The following RPSA2 variants were observed in gnomAD, a reference collection of about 807,000 sequenced individuals.
The protein encoded by RPSA2 is ribosomal protein SA 2.
the RPSA2 span, among the ~76,000 whole-genome samples, chr19:23,801,678 GTTAT>G: frequency 6.6e-6 from 1 of 152,114 alleles, no homozygotes; most frequent in African/African-American, 2.4e-5. Context: ...CCAATAATAA[GTTAT>G]TTATTTAAAC....
chr19:23,776,015 GA>G, the RPSA2 span, among the ~76,000 whole-genome samples: 1 of 152,152 alleles, frequency 6.6e-6, no homozygotes, highest in African/African-American at 2.4e-5. Flanking sequence ...CACACTGCTG[GA>G]CCCAGCGCCT....
At chr19:23,767,402 G>C in the RPSA2 span, among the ~76,000 whole-genome samples, 1 of 151,992 alleles carries the variant, frequency 6.6e-6, no homozygotes, top group African/African-American at 2.4e-5. Flanking sequence ...TTTATTTTTA[G>C]TAGACACATT....
At chr19:23,812,080 A>G in the RPSA2 span, among the ~76,000 whole-genome samples, 7 of 152,314 alleles carry the variant, frequency 4.6e-5, no homozygotes, top group African/African-American at 1.7e-4. Context: ...GTTAATGTAC[A>G]TTGATGTTGC....
At chr19:23,783,537 G>GC in the RPSA2 span, among the ~76,000 whole-genome samples, 1 of 44,908 alleles carries the variant, frequency 2.2e-5, no homozygotes, top group Non-Finnish European at 4.6e-5. Flanking sequence ...CTTGAGCACT[G>GC]CCAAAAAAAA....
chr19:23,790,852 A>G, the RPSA2 span: 3 of 525,638 alleles, frequency 5.7e-6, no homozygotes, highest in Admixed American at 3.1e-5. Flanking sequence ...GGTGGGACTC[A>G]GGCCTCCCCG....
At chr19:23,832,659 A>G in the RPSA2 span, 1 of 1,475,118 alleles carries the variant, frequency 6.8e-7, no homozygotes, top group Middle Eastern at 1.9e-4. Flanking sequence ...GTGGCAAAGC[A>G]TTTCTATGGT....
At chr19:23,782,698 C>A in the RPSA2 span, among the ~76,000 whole-genome samples, 5 of 152,202 alleles carry the variant, frequency 3.3e-5, no homozygotes, top group South Asian at 6.2e-4. Flanking sequence ...TGGGGTTTGT[C>A]CACAGTGGGA....
At chr19:23,801,724 C>T in the RPSA2 span, among the ~76,000 whole-genome samples, 3 of 152,152 alleles carry the variant, frequency 2.0e-5, no homozygotes, top group Non-Finnish European at 4.4e-5. Context: ...TAGTTTGTAT[C>T]ACCCCACTCT....
the RPSA2 span, among the ~76,000 whole-genome samples, chr19:23,849,551 G>A: frequency 5.5e-4 from 84 of 152,284 alleles, no homozygotes; most frequent in Non-Finnish European, 5.4e-4. Context: ...AGTTCTGGGT[G>A]TTCTGGGCAC....
chr19:23,769,948 G>T, the RPSA2 span, among the ~76,000 whole-genome samples: 2 of 152,016 alleles, frequency 1.3e-5, no homozygotes, highest in African/African-American at 4.8e-5. Context: ...CTCCTCTTCT[G>T]CCTGGGAACT....
At chr19:23,804,487 G>A in the RPSA2 span, among the ~76,000 whole-genome samples, 1 of 151,838 alleles carries the variant, frequency 6.6e-6, no homozygotes, top group African/African-American at 2.4e-5. Flanking sequence ...AGTAGAGATG[G>A]GGTTTCACCG....
the RPSA2 span, among the ~76,000 whole-genome samples, chr19:23,780,072 C>T: frequency 2.6e-5 from 4 of 152,098 alleles, no homozygotes; most frequent in African/African-American, 9.7e-5. Flanking sequence ...ATACCTCTTA[C>T]CGGTCAATAG....
chr19:23,758,805 T>C, the RPSA2 span: 1 of 1,613,054 alleles, frequency 6.2e-7, no homozygotes, highest in Non-Finnish European at 8.5e-7. Context: ...TACCTGCAGG[T>C]CAGAGGGCCA....
the RPSA2 span, chr19:23,832,924 T>A: frequency 1.3e-6 from 2 of 1,532,328 alleles, no homozygotes; most frequent in Non-Finnish European, 1.8e-6. Context: ...TAACCTGTCT[T>A]CAAGCTTTAC....
chr19:23,846,259 TATTC>T, the RPSA2 span, among the ~76,000 whole-genome samples: 2 of 152,206 alleles, frequency 1.3e-5, no homozygotes, highest in African/African-American at 2.4e-5. Context: ...CATTTTTTCT[TATTC>T]ATTTCATAAA....
the RPSA2 span, among the ~76,000 whole-genome samples, chr19:23,862,407 A>G: frequency 6.6e-6 from 1 of 151,394 alleles, no homozygotes; most frequent in Non-Finnish European, 1.5e-5. Flanking sequence ...AGAACTTCCA[A>G]CACTATGTTG....
At chr19:23,763,602 G>A in the RPSA2 span, among the ~76,000 whole-genome samples, 1 of 152,096 alleles carries the variant, frequency 6.6e-6, no homozygotes, top group Non-Finnish European at 1.5e-5. Flanking sequence ...CCGAGAAGCT[G>A]GGATTACAGA....
the RPSA2 span, chr19:23,832,484 G>T: frequency 4.0e-6 from 2 of 500,872 alleles, no homozygotes; most frequent in East Asian, 5.5e-5. Flanking sequence ...AAATCTATGT[G>T]GCAAACCTTT....
the RPSA2 span, among the ~76,000 whole-genome samples, chr19:23,843,507 G>A: frequency 1.3e-5 from 2 of 152,154 alleles, no homozygotes; most frequent in African/African-American, 2.4e-5. Flanking sequence ...TACCATGAGA[G>A]CTAAAGTCCT....
Sources: allele counts gnomAD v4.1 joint callset (sites outside exome capture counted in the v4.1 genomes callset), GRCh38; gene constraint gnomAD v4.1.1; transcripts MANE v1.5; gene names NCBI Gene and HGNC (gene_info 2026-07-23, HGNC 2026-07-21).